The following SATB1 variants were observed in gnomAD, a reference collection of about 807,000 sequenced individuals.
SATB1 encodes DNA-binding protein SATB1.
Under a neutral mutation model 86.9 loss-of-function variants are expected in SATB1, and 11 were observed. The ratio of observed to expected loss-of-function variants is 0.13; its 90% CI spans 0.08 to 0.21. The LOEUF (loss-of-function observed/expected upper bound fraction) is 0.21, where lower values mean the gene tolerates loss of function less well. Ranked by LOEUF, SATB1 falls within the 10% of genes least tolerant of loss-of-function variation. The pLI is 1.00. For synonymous variants in SATB1, 357 were observed against 357.2 expected, an observed-to-expected ratio of 1.00 and a Z score of 0.01; for missense variants, 551 against 937.6, an observed-to-expected ratio of 0.59 and a Z score of 5.39.
At chr3:18,391,467 C>T (rs1696667724) in intron 7 of SATB1, among the ~76,000 whole-genome samples, 1 of 151,042 alleles carries the variant, frequency 6.6e-6, no homozygotes, top group African/African-American at 2.4e-5. Flanking sequence ...CGTGCTGGTG[C>T]GCTGCACCCA....
At position 18,417,232 on chromosome 3, in the gene SATB1, A is replaced by G. The variant is rs1241849773; in HGVS notation, c.212-154T>C. ...GACTGGGTACAGTACAGGCAAATGC[A>G]CACAAATATATACATTCTCATATTA... On this transcript the variant is annotated intron_variant, in intron 2 of 10. Transcript: ENST00000338745. 5 of 657,214 alleles carry G rather than the reference A, an allele frequency of 7.6e-6. No homozygotes were observed. The East Asian group carries it at 1.1e-4, about 14-fold the overall frequency. 40.7% of individuals were successfully genotyped at this position (657,214 alleles called of 1,614,324 possible).
Position 18,352,294 on chromosome 3 carries a change from T to C in SATB1, c.1576-99A>G, listed in dbSNP as rs1232646010. ...GGAAAAACCCTATGAATTAACTTTT[T>C]CATAAGCTCAGAACACACCATTCTG... On this transcript the variant is annotated intron_variant, in intron 9 of 10. Transcript: ENST00000338745. The surrounding 1 kb of genome is among the most constrained non-coding windows in gnomAD (Gnocchi z 4.1). The C allele has an allele frequency of 1.0e-6, 1 of 1,002,554 alleles. No individual in the cohort carries two copies. Among genetic ancestry groups the C allele is most frequent in the Admixed American group, 2.1e-5 (1 of 46,818 alleles). The allele number at this position is 1,002,554 out of a possible 1,614,324, so 62.1% of individuals were successfully genotyped here.
At chr3:18,389,912 T>C (rs1021483896) in intron 7 of SATB1, among the ~76,000 whole-genome samples, 5 of 152,150 alleles carry the variant, frequency 3.3e-5, no homozygotes, top group Admixed American at 2.0e-4. Flanking sequence ...ATTAGATGTG[T>C]GCTGTATCTA....
intron 2 of SATB1, chr3:18,417,834 T>G (rs997888712): frequency 1.8e-6 from 1 of 563,344 alleles, no homozygotes; most frequent in Non-Finnish European, 3.1e-6. Context: ...AAATGAGAGA[T>G]AGAAAAGGAA....
chr3:18,406,006 G>A (rs1162309113), intron 5 of SATB1, among the ~76,000 whole-genome samples: 1 of 152,006 alleles, frequency 6.6e-6, no homozygotes, highest in East Asian at 1.9e-4. Context: ...CTCATTAGAA[G>A]TTATGGCGAA....
rs551470088 is a variant in SATB1, at chr3:18,421,099, G to A, written c.-24-108C>T. On this transcript the variant is annotated intron_variant, in intron 1 of 10. Transcript: ENST00000338745. ...CTAGATATCTCTCCACAAATATAAT[G>A]TATTTGTAAAATGGCCTATCTAGAT... The A allele has an allele frequency of 8.6e-5, 61 of 707,032 alleles. No homozygotes were observed. In the East Asian group the frequency reaches 1.3e-3, roughly 15 times the overall value. 43.8% of individuals were successfully genotyped at this position (707,032 alleles called of 1,614,324 possible).
chr3:18,434,403 T>C (rs1698991597), intron 2 of SATB1, among the ~76,000 whole-genome samples: 1 of 151,604 alleles, frequency 6.6e-6, no homozygotes, highest in Non-Finnish European at 1.5e-5. Flanking sequence ...ATATATAAAA[T>C]ATACACATAG....
intron 9 of SATB1, among the ~76,000 whole-genome samples, chr3:18,376,336 G>T (rs1396096574): frequency 6.6e-6 from 1 of 151,866 alleles, no homozygotes; most frequent in Non-Finnish European, 1.5e-5. Flanking sequence ...TTATTAATAA[G>T]TTATAATATT....
intron 2 of SATB1, among the ~76,000 whole-genome samples, chr3:18,434,383 G>GTA (rs530106615): frequency 1.5e-3 from 219 of 147,952 alleles, no homozygotes; most frequent in Middle Eastern, 3.5e-3. Flanking sequence ...GTAAGAATAA[G>GTA]TATATATATA....
chr3:18,377,057 A>G (rs1420252067), intron 9 of SATB1, among the ~76,000 whole-genome samples: 1 of 152,226 alleles, frequency 6.6e-6, no homozygotes, highest in African/African-American at 2.4e-5. Flanking sequence ...TAACTTAAAC[A>G]AGAACAACAT....
At chr3:18,408,379 C>A (rs1342572933) in intron 5 of SATB1, among the ~76,000 whole-genome samples, 2 of 151,892 alleles carry the variant, frequency 1.3e-5, no homozygotes, top group Non-Finnish European at 2.9e-5. Context: ...GCAAGCATCC[C>A]AGGGTGCTTT....
chr3:18,406,903 T>C (rs573878843), intron 5 of SATB1, among the ~76,000 whole-genome samples: 1 of 152,148 alleles, frequency 6.6e-6, no homozygotes, highest in African/African-American at 2.4e-5. Flanking sequence ...CATGTGCAAA[T>C]CCTACAAGAT....
rs1292916499 is a variant in SATB1 at position 18,444,910 on chromosome 3, G to T, written c.-25+608C>A. ...GGGAGGGAGGAGATGTTAACGGGCG[G>T]GGGGGGGAGAAGGGGGAGGGGGCGG... On this transcript the variant is annotated intron_variant, in intron 1 of 3. Coordinates refer to the SATB1 transcript ENST00000415069. The surrounding 1 kb of genome is among the most constrained non-coding windows in gnomAD (Gnocchi z 5.1). The T allele has an allele frequency of 3.9e-5, 5 of 129,634 alleles. No individual in the cohort carries two copies. Among genetic ancestry groups the T allele is most frequent in the Non-Finnish European group, 5.1e-5 (3 of 59,370 alleles). 8.0% of individuals were successfully genotyped at this position (129,634 alleles called of 1,614,324 possible).
chr3:18,433,139 A>T (rs1173137636), intron 2 of SATB1, among the ~76,000 whole-genome samples: 1 of 152,168 alleles, frequency 6.6e-6, no homozygotes, highest in Non-Finnish European at 1.5e-5. Context: ...TCTTAGCCAA[A>T]AAAAGAGAAA....
intron 9 of SATB1, among the ~76,000 whole-genome samples, chr3:18,362,860 C>CAAAAAAAAA (rs35470564): frequency 1.5e-4 from 5 of 32,284 alleles, no homozygotes; most frequent in Admixed American, 4.6e-4. Flanking sequence ...ATGCCATGTG[C>CAAAAAAAAA]AAAAAAAAAA....
intron 5 of SATB1, among the ~76,000 whole-genome samples, chr3:18,404,257 C>G (rs1055562154): frequency 2.0e-5 from 3 of 152,010 alleles, no homozygotes; most frequent in Non-Finnish European, 4.4e-5. Flanking sequence ...TGCTTGTCAG[C>G]TTCTGTTTCC....
In SATB1 at chr3:18,380,554, AT is replaced by A. The variant is rs773536874; in HGVS notation, c.1420-2230del. Among the ~76,000 whole-genome samples the A allele has an allele frequency of 3.5e-4, 53 of 151,660 alleles. No individual in the cohort carries two copies. In the South Asian group the frequency reaches 5.2e-3, roughly 15 times the overall value. ...AAAGTGAAAAAAGTATACAAGAAAT[AT>A]TTTTTTTTAAAAAAAGAATGTGAGG... On this transcript the variant is annotated intron_variant, in intron 8 of 10. Coordinates refer to ENST00000338745, the MANE Select transcript of SATB1 (RefSeq NM_002971.6).
intron 7 of SATB1, among the ~76,000 whole-genome samples, chr3:18,387,330 A>G (rs532711862): frequency 6.4e-4 from 98 of 152,336 alleles, no homozygotes; most frequent in African/African-American, 2.2e-3. Flanking sequence ...TATATTAACT[A>G]ATTTTCAACA....
chr3:18,356,565 T>C (rs1694652417), intron 9 of SATB1, among the ~76,000 whole-genome samples: 1 of 151,786 alleles, frequency 6.6e-6, no homozygotes, highest in South Asian at 2.1e-4. Flanking sequence ...AAAGGAAAAA[T>C]TAGCAGTTCT....
Sources: allele counts gnomAD v4.1 joint callset (sites outside exome capture counted in the v4.1 genomes callset), GRCh38; gene constraint gnomAD v4.1.1; non-coding constraint Gnocchi (gnomAD v3.1); transcripts MANE v1.5; gene names NCBI Gene and HGNC (gene_info 2026-07-23, HGNC 2026-07-21).